The following TRPA1 variants were observed in gnomAD, a reference collection of about 807,000 sequenced individuals.
TRPA1 encodes transient receptor potential cation channel subfamily A member 1.
In TRPA1, 129 loss-of-function variants were observed where a neutral mutation model predicts 131.3. The ratio of observed to expected loss-of-function variants is 0.98; its 90% CI spans 0.85 to 1.14. The LOEUF (loss-of-function observed/expected upper bound fraction) is 1.14. TRPA1 is among the 50% of genes most tolerant of loss of function. The pLI, the probability that TRPA1 is intolerant of heterozygous loss-of-function variation, is 0.00. For missense variants in TRPA1, 1,304 were observed against 1,354.2 expected, an observed-to-expected ratio of 0.96 and a Z score of 0.58; for synonymous variants, 441 against 451.7, an observed-to-expected ratio of 0.98 and a Z score of 0.30.
At chr8:72,054,032 A>G (rs1343406504) in intron 12 of TRPA1, 165 bp from the exon 13 acceptor site, 15 of 630,180 alleles carry the variant, frequency 2.4e-5, no homozygotes, top group Non-Finnish European at 4.0e-5. Context: ...GCTAATTCCA[A>G]GCTCAATGAT....
upstream of TRPA1, among the ~76,000 whole-genome samples, chr8:72,080,293 T>C (rs1204186494): frequency 1.3e-5 from 2 of 151,484 alleles, no homozygotes; most frequent in Middle Eastern, 3.2e-3. Context: ...AGATGTCTAT[T>C]ATCAGGTTGA....
At chr8:72,029,832 A>G in intron 24 of TRPA1, 69 bp downstream of exon 24, 1 of 1,472,404 alleles carries the variant, frequency 6.8e-7, no homozygotes, top group Admixed American at 1.7e-5. Flanking sequence ...TTTGACTTGT[A>G]ATATTTTTAA....
At chr8:72,050,319 C>A (rs1805468828) in intron 15 of TRPA1, among the ~76,000 whole-genome samples, 1 of 152,126 alleles carries the variant, frequency 6.6e-6, no homozygotes, top group African/African-American at 2.4e-5. Flanking sequence ...GCAATTCCTG[C>A]CTTGTGAGAA....
Position 72,022,950 on chromosome 8 carries a change from C to T in TRPA1, c.3316G>A (p.Val1106Met), listed in dbSNP as rs1585827166. The T allele has an allele frequency of 6.2e-7, 1 of 1,613,872 alleles. No homozygotes were observed. The highest frequency in any genetic ancestry group is 8.5e-7 in the Non-Finnish European group (1 of 1,179,840). ...GTTTTTGCCTTGACTGCTCTCAACA[C>T]AGTATTCCATCTGCTATTCCTTTGT... ...MEQRNSRWNT[V>M]LRAVKAKTHH... is the part of the protein sequence containing the mutation. Residue 1106 changes from valine (V) to methionine (M), a missense_variant, in exon 27 of 27, where the codon GTG becomes ATG. Transcript: ENST00000262209.
upstream of TRPA1, among the ~76,000 whole-genome samples, chr8:72,079,418 T>C (rs1423173161): frequency 1.3e-5 from 2 of 151,996 alleles, no homozygotes; most frequent in Non-Finnish European, 2.9e-5. Context: ...AGTTCATTTT[T>C]ATTGCATATG....
chr8:72,075,328 C>G lies in TRPA1; in HGVS notation c.82G>C (p.Asp28His), dbSNP rs1418337572. The change falls in exon 1 of 27, where the codon GAC becomes CAC. Residue 28 changes from aspartate (D) to histidine (H), a missense_variant. Asp to His is a moderately conservative substitution (Grantham distance 81, BLOSUM62 -1). Transcript: ENST00000262209. ...AGCGATTCCTTGAAATCCTCCGTGTCGTCCGGCACATCCTCATAGACAACG... is the reference window on the plus strand; with the variant it reads ...AGCGATTCCTTGAAATCCTCCGTGTGGTCCGGCACATCCTCATAGACAACG... ...QGVVYEDVPD[D>H]TEDFKESLKV... 1.2e-6 allele frequency: 2 copies of G among 1,613,324 alleles called. No individual in the cohort carries two copies. The highest frequency in any genetic ancestry group is 1.7e-6 in the Non-Finnish European group (2 of 1,179,804).
intron 14 of TRPA1, among the ~76,000 whole-genome samples, chr8:72,051,182 T>G (rs963732301): frequency 2.0e-5 from 3 of 152,204 alleles, no homozygotes; most frequent in African/African-American, 7.2e-5. Flanking sequence ...CCTGAAGTTA[T>G]GAAATGGTCA....
In TRPA1 at chr8:72,038,938, T is replaced by A; in HGVS notation, c.2222A>T (p.Lys741Ile). The change falls in exon 19 of 27, where the codon AAA becomes ATA. Residue 741 changes from lysine (K) to isoleucine (I), a missense_variant. Transcript: ENST00000262209. The stretch of plus-strand genomic sequence containing the variant: ...AGTTGAGTTGAAAGCCATTCCTGGT[T>A]TTATATTGACAACGAGAATGGTCAT... Reference protein sequence around the residue: ...IPMTILVVNIKPGMAFNSTGI... With the variant: ...IPMTILVVNIIPGMAFNSTGI... 6.2e-7 allele frequency: 1 copy of A among 1,613,138 alleles called. No individual in the cohort carries two copies. The highest frequency in any genetic ancestry group is 1.1e-5 in the South Asian group (1 of 91,044).
chr8:72,038,083 A>C lies in TRPA1; in HGVS notation c.2296-11T>G. The stretch of plus-strand genomic sequence containing the variant: ...TATTAGATATGAATTCTAAAACAAA[A>C]AAGGATAAGACACATAGTTATGAGA... On this transcript the variant is annotated splice_polypyrimidine_tract_variant and intron_variant, in intron 19 of 26. Coordinates refer to ENST00000262209, the MANE Select transcript of TRPA1 (RefSeq NM_007332.3). 1 of 1,324,140 alleles carries C rather than the reference A, an allele frequency of 7.6e-7. No individual in the cohort carries two copies. The highest frequency in any genetic ancestry group is 1.1e-6 in the Non-Finnish European group (1 of 922,988). 82.0% of individuals were successfully genotyped at this position (1,324,140 alleles called of 1,614,324 possible).
intron 21 of TRPA1, 46 bp from the exon 22 acceptor site, chr8:72,034,423 G>A (rs375335301): frequency 1.6e-4 from 207 of 1,266,596 alleles, no homozygotes; most frequent in Non-Finnish European, 2.2e-4. Context: ...TATAGTCAAA[G>A]TGTATTCATT....
intron 17 of TRPA1, among the ~76,000 whole-genome samples, chr8:72,041,661 CAAATG>C (rs1460997899): frequency 2.6e-5 from 4 of 151,614 alleles, no homozygotes; most frequent in African/African-American, 9.7e-5. Flanking sequence ...CATCTGGAAA[CAAATG>C]AAATGAAAAC....
At chr8:72,088,330 T>C in the TRPA1 span, among the ~76,000 whole-genome samples, 1 of 151,536 alleles carries the variant, frequency 6.6e-6, no homozygotes, top group Non-Finnish European at 1.5e-5. Context: ...GCATTCTTTT[T>C]TTCACCCTGT....
chr8:72,036,217 CA>C, intron 21 of TRPA1, 70 bp downstream of exon 21: 1 of 1,500,068 alleles, frequency 6.7e-7, no homozygotes, highest in Non-Finnish European at 9.2e-7. Context: ...AAATTTACAC[CA>C]GGTACAATAG....
At chr8:72,025,603 A>G (rs1395330937) in intron 25 of TRPA1, among the ~76,000 whole-genome samples, 2 of 152,180 alleles carry the variant, frequency 1.3e-5, no homozygotes, top group Admixed American at 6.5e-5. Flanking sequence ...ATATATATCT[A>G]CACATAAATG....
intron 23 of TRPA1, among the ~76,000 whole-genome samples, chr8:72,031,408 A>T (rs535486372): frequency 6.6e-6 from 1 of 151,510 alleles, no homozygotes; most frequent in African/African-American, 2.4e-5. Flanking sequence ...GCAAAACCCC[A>T]TCTCTACAGA....
At chr8:72,048,297 C>T (rs1441453889) in intron 15 of TRPA1, among the ~76,000 whole-genome samples, 2 of 152,052 alleles carry the variant, frequency 1.3e-5, no homozygotes, top group Non-Finnish European at 2.9e-5. Context: ...CAAAATACCC[C>T]ATATGGCCCC....
At chr8:72,052,482 T>C (rs1438194449) in intron 14 of TRPA1, 117 bp downstream of exon 14, 1 of 1,288,702 alleles carries the variant, frequency 7.8e-7, no homozygotes, top group South Asian at 1.2e-5. Context: ...AAACAACTGA[T>C]ATTTTAAATT....
the TRPA1 span, among the ~76,000 whole-genome samples, chr8:72,086,929 G>A: frequency 6.6e-6 from 1 of 152,182 alleles, no homozygotes; most frequent in African/African-American, 2.4e-5. Flanking sequence ...TTAACAAAAA[G>A]ATAAACTAAT....
chr8:72,059,198 AAT>A (rs1430916635), intron 8 of TRPA1, among the ~76,000 whole-genome samples, 190 bp downstream of exon 8: 3 of 152,240 alleles, frequency 2.0e-5, no homozygotes, highest in Non-Finnish European at 4.4e-5. Context: ...TTCTAACTGT[AAT>A]AGTTTGGCTG....
Sources: gnomAD v4.1 joint callset for allele counts (sites outside exome capture counted in the v4.1 genomes callset) on GRCh38, gnomAD v4.1.1 for gene constraint, MANE v1.5 for transcripts, NCBI Gene and HGNC (gene_info 2026-07-23, HGNC 2026-07-21) for gene names.